The following NTN1 variants were observed in gnomAD, a reference collection of about 807,000 sequenced individuals.
NTN1 encodes netrin-1.
A neutral mutation model predicts 54.2 loss-of-function variants in NTN1; 11 were observed. The ratio of observed to expected loss-of-function variants is 0.20; its 90% CI spans 0.13 to 0.34. The LOEUF (loss-of-function observed/expected upper bound fraction) is 0.34. NTN1 is among the 10% of genes least tolerant of loss of function. NTN1 has a pLI of 1.00. For missense variants in NTN1, 740 were observed against 893.1 expected, an observed-to-expected ratio of 0.83 and a Z score of 2.18; for synonymous variants, 371 against 382.0, an observed-to-expected ratio of 0.97 and a Z score of 0.33.
chr17:9,105,732 G>A (rs558242281), intron 2 of NTN1, among the ~76,000 whole-genome samples: 10 of 151,778 alleles, frequency 6.6e-5, no homozygotes, highest in Non-Finnish European at 1.2e-4. Flanking sequence ...ACCTCACGCA[G>A]TTGGTAGAGT....
intron 6 of NTN1, among the ~76,000 whole-genome samples, chr17:9,224,601 C>A (rs1037856650): frequency 2.6e-5 from 4 of 152,250 alleles, no homozygotes; most frequent in African/African-American, 9.6e-5. Context: ...GCCTCCCGCC[C>A]CTTCCACAGC....
intron 2 of NTN1, among the ~76,000 whole-genome samples, chr17:9,157,749 G>C (rs2092347109): frequency 6.6e-6 from 1 of 152,222 alleles, no homozygotes; most frequent in Non-Finnish European, 1.5e-5. Context: ...CCTAGGCAGT[G>C]CTTCTGTCCT....
chr17:9,160,279 T>C (rs549003579), intron 2 of NTN1, among the ~76,000 whole-genome samples: 21 of 152,128 alleles, frequency 1.4e-4, no homozygotes, highest in African/African-American at 3.9e-4. Flanking sequence ...AATTTTTGTA[T>C]TTTTTAGTAG....
intron 2 of NTN1, among the ~76,000 whole-genome samples, chr17:9,025,779 T>G (rs1328309118): frequency 6.6e-6 from 1 of 152,232 alleles, no homozygotes; most frequent in Non-Finnish European, 1.5e-5. Context: ...GAGCTTTTTA[T>G]GAAAAGGCCC....
rs561263954 is a variant in NTN1 at position 9,124,544 on chromosome 17, CT to C, written c.1019-38266del. ...TCAGACCACACTCAGCTGTGCTTTC[CT>C]TTCCGACAGTGATGACGATGATGAC... is the stretch of plus-strand genomic sequence containing the variant. On this transcript the variant is annotated intron_variant, in intron 2 of 6. Transcript: ENST00000173229. Among the ~76,000 whole-genome samples, 83 of 152,340 alleles carry C rather than the reference CT, an allele frequency of 5.4e-4. 2 individuals carry two copies. The South Asian group carries it at 0.014, about 25-fold the overall frequency.
chr17:9,128,801 A>T (rs1026817909), intron 2 of NTN1, among the ~76,000 whole-genome samples: 4 of 152,164 alleles, frequency 2.6e-5, no homozygotes, highest in African/African-American at 4.8e-5. Flanking sequence ...CCGAGTGCAG[A>T]GTGTGGCAAA....
chr17:9,243,597 AATGTGTACTTGTG>A lies in NTN1; in HGVS notation c.*3630_*3642del, dbSNP rs1330588731. ...GCCATGGCACACCGGGGGGGATCAA[AATGTGTACTTGTG>A]GGGTCTCGCCCCTTGCCAAAAGCCA... On this transcript the variant is annotated 3_prime_UTR_variant, in exon 7 of 7. Coordinates refer to ENST00000173229, the MANE Select transcript of NTN1 (RefSeq NM_004822.3). The A allele has an allele frequency of 6.6e-6, 1 of 152,152 alleles. No homozygotes were observed. Among genetic ancestry groups the A allele is most frequent in the Non-Finnish European group, 1.5e-5 (1 of 68,074 alleles). The allele number at this position is 152,152 out of a possible 1,614,324, so 9.4% of individuals were successfully genotyped here.
intron 2 of NTN1, among the ~76,000 whole-genome samples, chr17:9,054,519 G>A (rs576449934): frequency 2.0e-4 from 30 of 152,284 alleles, no homozygotes; most frequent in African/African-American, 7.2e-4. Context: ...CTTGTAGAGG[G>A]GGGTCTTTTA....
intron 5 of NTN1, among the ~76,000 whole-genome samples, chr17:9,218,811 GGCTGAGATGGAGAGGTGC>G (rs1384557725): frequency 6.6e-6 from 1 of 152,122 alleles, no homozygotes; most frequent in Non-Finnish European, 1.5e-5. Context: ...CTATCTACAA[GGCTGAGATGGAGAGGTGC>G]GCCTTGGCCC....
chr17:9,117,203 G>A (rs1458866109), intron 2 of NTN1, among the ~76,000 whole-genome samples: 2 of 152,130 alleles, frequency 1.3e-5, no homozygotes, highest in Admixed American at 6.5e-5. Context: ...ACAGGGCAGG[G>A]AGGCAGAGAG....
At chr17:9,036,713 TG>T (rs2091904661) in intron 2 of NTN1, among the ~76,000 whole-genome samples, 1 of 152,216 alleles carries the variant, frequency 6.6e-6, no homozygotes. Flanking sequence ...AATGATATTC[TG>T]TAGGTCTAGT....
chr17:9,156,097 G>C (rs2092341152), intron 2 of NTN1, among the ~76,000 whole-genome samples: 1 of 152,130 alleles, frequency 6.6e-6, no homozygotes, highest in African/African-American at 2.4e-5. Flanking sequence ...GCAAATTTTT[G>C]CCATGTCCCA....
intron 2 of NTN1, among the ~76,000 whole-genome samples, chr17:9,105,091 C>A (rs566842202): frequency 6.6e-6 from 1 of 152,194 alleles, no homozygotes; most frequent in African/African-American, 2.4e-5. Flanking sequence ...TTGTTTTGAG[C>A]GTCCATTTCA....
At chr17:9,202,170 A>G (rs1428254214) in intron 5 of NTN1, among the ~76,000 whole-genome samples, 2 of 150,796 alleles carry the variant, frequency 1.3e-5, no homozygotes, top group Admixed American at 6.6e-5. Context: ...GAACCCGGGA[A>G]GCAGAGGTTG....
At chr17:9,042,614 C>T (rs565625776) in intron 2 of NTN1, among the ~76,000 whole-genome samples, 8 of 152,014 alleles carry the variant, frequency 5.3e-5, no homozygotes, top group African/African-American at 1.9e-4. Flanking sequence ...TGGTGAAACC[C>T]CGTCTCCACT....
chr17:9,208,098 G>A (rs1334758617), intron 5 of NTN1, among the ~76,000 whole-genome samples: 3 of 152,142 alleles, frequency 2.0e-5, no homozygotes, highest in Non-Finnish European at 4.4e-5. Context: ...CAGGCGTAGT[G>A]GTGTGTGCCT....
intron 2 of NTN1, among the ~76,000 whole-genome samples, chr17:9,033,391 T>A (rs762351068): frequency 1.3e-5 from 2 of 152,182 alleles, no homozygotes; most frequent in Non-Finnish European, 2.9e-5. Flanking sequence ...TGTTTGTTTG[T>A]TTGTTTGTTT....
upstream of NTN1, among the ~76,000 whole-genome samples, chr17:9,016,737 C>CCTG (rs2091832828): frequency 7.2e-5 from 11 of 152,272 alleles, 1 homozygote; most frequent in South Asian, 2.3e-3. Flanking sequence ...TCATATCAGC[C>CCTG]ACCCACTCCC....
intron 2 of NTN1, among the ~76,000 whole-genome samples, chr17:9,123,206 TA>T (rs568514793): frequency 2.6e-5 from 4 of 152,310 alleles, no homozygotes; most frequent in East Asian, 1.9e-4. Flanking sequence ...TTAATTACTC[TA>T]AAAAAACCTG....
Sources: allele counts gnomAD v4.1 joint callset (sites outside exome capture counted in the v4.1 genomes callset), GRCh38; gene constraint gnomAD v4.1.1; transcripts MANE v1.5; gene names NCBI Gene and HGNC (gene_info 2026-07-23, HGNC 2026-07-21).